The following NKAIN2 variants were observed in gnomAD, a reference collection of about 807,000 sequenced individuals.
The protein encoded by NKAIN2 is sodium/potassium transporting ATPase interacting 2, also known as sodium/potassium-transporting ATPase subunit beta-1-interacting protein 2.
In NKAIN2, 14 loss-of-function variants were observed where a neutral mutation model predicts 32.6. The observed-to-expected ratio is 0.43, with a 90% confidence interval of 0.28 to 0.67. The LOEUF (loss-of-function observed/expected upper bound fraction) is 0.67. NKAIN2 is among the 30% of genes least tolerant of loss of function. NKAIN2 has a pLI of 0.17. For synonymous variants in NKAIN2, 80 were observed against 87.2 expected (o/e 0.92, Z 0.46); for missense variants, 198 against 258.3 (o/e 0.77, Z 1.60).
chr6:123,844,295 TAG>T (rs1201609807), intron 1 of NKAIN2, among the ~76,000 whole-genome samples: 1 of 152,144 alleles, frequency 6.6e-6, no homozygotes, highest in Non-Finnish European at 1.5e-5. Context: ...TTGAAGAAGG[TAG>T]TGTTTAGCTA....
intron 1 of NKAIN2, among the ~76,000 whole-genome samples, chr6:123,958,596 AG>A (rs778568391): frequency 3.9e-5 from 6 of 152,254 alleles, no homozygotes; most frequent in Admixed American, 6.5e-5. Flanking sequence ...CACCTCCCAA[AG>A]GCCCCACCTT....
intron 3 of NKAIN2, among the ~76,000 whole-genome samples, chr6:124,359,710 A>T (rs897764586): frequency 6.6e-6 from 1 of 152,182 alleles, no homozygotes; most frequent in East Asian, 1.9e-4. Flanking sequence ...CAATGATGTC[A>T]TCTGCGAACA....
intron 4 of NKAIN2, among the ~76,000 whole-genome samples, chr6:124,754,250 A>G (rs891118700): frequency 3.3e-5 from 5 of 152,092 alleles, no homozygotes; most frequent in Non-Finnish European, 7.4e-5. Flanking sequence ...AAAACTCAGT[A>G]TAGTAAATAA....
intron 3 of NKAIN2, among the ~76,000 whole-genome samples, chr6:124,575,712 AT>A (rs1055166498): frequency 3.3e-5 from 5 of 151,844 alleles, no homozygotes; most frequent in Non-Finnish European, 7.4e-5. Flanking sequence ...CCTTGGCTAT[AT>A]TTTTTTTCAT....
chr6:123,858,748 T>C (rs1172734806), intron 1 of NKAIN2, among the ~76,000 whole-genome samples: 1 of 152,164 alleles, frequency 6.6e-6, no homozygotes, highest in Non-Finnish European at 1.5e-5. Context: ...CAGCACATTA[T>C]TGAAGCGTCA....
At position 124,626,732 on chromosome 6, in the gene NKAIN2, A is replaced by G. The variant is rs568228085; in HGVS notation, c.274-31454A>G. Among the ~76,000 whole-genome samples, 9 of 152,258 alleles carry G rather than the reference A, an allele frequency of 5.9e-5. No homozygotes were observed. The South Asian group carries it at 1.2e-3, about 21-fold the overall frequency. Reference sequence around the variant, plus strand: ...GGGGGTATATTCAGGGCCACCACATACACACTTTGGTGCACAAAATGAGTT... The same window carrying G: ...GGGGGTATATTCAGGGCCACCACATGCACACTTTGGTGCACAAAATGAGTT... On this transcript the variant is annotated intron_variant, in intron 3 of 6. Transcript: ENST00000368417.
At chr6:123,976,384 T>TATATATATATTCCC (rs1778626823) in intron 1 of NKAIN2, among the ~76,000 whole-genome samples, 1 of 47,298 alleles carries the variant, frequency 2.1e-5, no homozygotes, top group Non-Finnish European at 4.1e-5. Context: ...TATATATATA[T>TATATATATATTCCC]ATATATATAT....
intron 3 of NKAIN2, among the ~76,000 whole-genome samples, chr6:124,493,448 CA>C (rs1777942628): frequency 6.6e-6 from 1 of 151,846 alleles, no homozygotes; most frequent in South Asian, 2.1e-4. Context: ...CATGAACATC[CA>C]AACCATATTA....
At chr6:124,246,556 T>C (rs1793410228) in intron 1 of NKAIN2, among the ~76,000 whole-genome samples, 2 of 152,190 alleles carry the variant, frequency 1.3e-5, no homozygotes, top group South Asian at 4.1e-4. Context: ...ATGACCTATT[T>C]TGGGAGGAGT....
At chr6:124,527,725 G>A (rs1193462917) in intron 3 of NKAIN2, among the ~76,000 whole-genome samples, 14 of 152,136 alleles carry the variant, frequency 9.2e-5, no homozygotes. Context: ...GAGAGCTATT[G>A]GGACACTTGG....
intron 1 of NKAIN2, among the ~76,000 whole-genome samples, chr6:124,089,855 C>G: frequency 6.6e-6 from 1 of 152,030 alleles, no homozygotes; most frequent in African/African-American, 2.4e-5. Flanking sequence ...GATGAAGATT[C>G]TGAAATATAC....
At chr6:124,481,845 G>A (rs1777464272) in intron 3 of NKAIN2, among the ~76,000 whole-genome samples, 1 of 151,130 alleles carries the variant, frequency 6.6e-6, no homozygotes, top group Non-Finnish European at 1.5e-5. Flanking sequence ...TTCCTAAGGG[G>A]CAAAAAACGT....
chr6:124,726,530 G>A, intron 4 of NKAIN2, among the ~76,000 whole-genome samples: 1 of 150,414 alleles, frequency 6.6e-6, no homozygotes, highest in Non-Finnish European at 1.5e-5. Flanking sequence ...CAAACAGAAA[G>A]GACATCCACA....
At chr6:124,165,265 A>G (rs563717489) in intron 1 of NKAIN2, among the ~76,000 whole-genome samples, 18 of 152,092 alleles carry the variant, frequency 1.2e-4, no homozygotes, top group Non-Finnish European at 2.5e-4. Flanking sequence ...TTCCCAAATT[A>G]GAAGTGCACT....
chr6:124,333,120 T>G (rs994945402), intron 2 of NKAIN2, among the ~76,000 whole-genome samples: 2 of 152,212 alleles, frequency 1.3e-5, no homozygotes, highest in Admixed American at 1.3e-4. Context: ...AAAGTCAGTG[T>G]GAAAGATTCT....
chr6:124,676,167 T>C (rs1212678970), intron 4 of NKAIN2, among the ~76,000 whole-genome samples: 1 of 152,188 alleles, frequency 6.6e-6, no homozygotes, highest in Admixed American at 6.6e-5. Flanking sequence ...TCTAGCTTCA[T>C]TCCATTGTGG....
intron 1 of NKAIN2, among the ~76,000 whole-genome samples, chr6:124,173,235 A>G (rs1788983347): frequency 6.6e-6 from 1 of 152,132 alleles, no homozygotes; most frequent in Non-Finnish European, 1.5e-5. Context: ...CACCATGACT[A>G]GTTTTTACAT....
intron 1 of NKAIN2, among the ~76,000 whole-genome samples, chr6:124,154,077 G>C (rs1056892119): frequency 6.6e-6 from 1 of 150,584 alleles, no homozygotes. Context: ...TTTTTTTCTT[G>C]TACTCTGGTG....
intron 3 of NKAIN2, among the ~76,000 whole-genome samples, chr6:124,446,679 A>G (rs1470010914): frequency 2.0e-5 from 3 of 152,078 alleles, no homozygotes; most frequent in Non-Finnish European, 4.4e-5. Flanking sequence ...ATAAAACATC[A>G]GATGATATAT....
Sources: allele counts gnomAD v4.1 joint callset (sites outside exome capture counted in the v4.1 genomes callset), GRCh38; gene constraint gnomAD v4.1.1; transcripts MANE v1.5; gene names NCBI Gene and HGNC (gene_info 2026-07-23, HGNC 2026-07-21).